RBPJ: variants seen among roughly 807,000 people sequenced by gnomAD.
The protein encoded by RBPJ is recombination signal binding protein for immunoglobulin kappa J region.
Under a neutral mutation model 67.8 loss-of-function variants are expected in RBPJ, and 9 were observed. The observed-to-expected ratio is 0.13, with a 90% CI of 0.08 to 0.23. The LOEUF is 0.23. Among genes scored for constraint, RBPJ ranks in the 10% least tolerant of loss-of-function variants. The pLI, the probability that RBPJ is intolerant of heterozygous loss-of-function variation, is 1.00. For missense variants in RBPJ, 305 were observed against 595.6 expected, an observed-to-expected ratio of 0.51 and a Z score of 5.08; for synonymous variants, 198 against 203.3, an observed-to-expected ratio of 0.97 and a Z score of 0.22.
chr4:26,136,277 C>T, the RBPJ span, among the ~76,000 whole-genome samples: 2 of 152,114 alleles, frequency 1.3e-5, no homozygotes, highest in South Asian at 4.1e-4. Flanking sequence ...TGAAAGAATC[C>T]CTTCTCTCCC....
intron 2 of RBPJ, among the ~76,000 whole-genome samples, chr4:26,395,097 A>T (rs911826274): frequency 2.0e-5 from 3 of 152,256 alleles, no homozygotes; most frequent in Admixed American, 6.5e-5. Flanking sequence ...AGTTTCTGAA[A>T]TTCTGTTGGC....
intron 1 of RBPJ, among the ~76,000 whole-genome samples, chr4:26,220,394 A>T (rs1718861686): frequency 6.6e-6 from 1 of 152,212 alleles, no homozygotes; most frequent in Non-Finnish European, 1.5e-5. Flanking sequence ...AATGTATCTT[A>T]TACTGCAACA....
chr4:26,410,224 C>T (rs1733884280), intron 3 of RBPJ: 1 of 230,504 alleles, frequency 4.3e-6, no homozygotes, highest in Non-Finnish European at 8.9e-6. Context: ...AGGCGTAAGG[C>T]GTGAGGTTAC....
intron 1 of RBPJ, among the ~76,000 whole-genome samples, chr4:26,352,613 G>A (rs931661864): frequency 6.6e-6 from 1 of 152,224 alleles, no homozygotes; most frequent in South Asian, 2.1e-4. Flanking sequence ...CTAGGAAGGA[G>A]AATCACTTGA....
intron 1 of RBPJ, among the ~76,000 whole-genome samples, chr4:26,314,253 A>T (rs1455548357): frequency 1.3e-5 from 2 of 152,248 alleles, no homozygotes; most frequent in Non-Finnish European, 2.9e-5. Flanking sequence ...ATAATTTAAA[A>T]AAAAAGACAT....
chr4:26,130,284 C>T, the RBPJ span, among the ~76,000 whole-genome samples: 1 of 152,204 alleles, frequency 6.6e-6, no homozygotes, highest in Non-Finnish European at 1.5e-5. Flanking sequence ...ATAGATACAA[C>T]ACAGGAGTTG....
At chr4:26,345,805 G>A (rs890369092) in intron 1 of RBPJ, among the ~76,000 whole-genome samples, 7 of 152,050 alleles carry the variant, frequency 4.6e-5, no homozygotes, top group Admixed American at 1.3e-4. Flanking sequence ...ACCCCATCCC[G>A]TACTTTGAGG....
intron 1 of RBPJ, chr4:26,321,635 T>C (rs1037740610): frequency 6.5e-6 from 1 of 153,590 alleles, no homozygotes; most frequent in Non-Finnish European, 1.4e-5. Context: ...GGGCACCAGA[T>C]TTCTGCCTTA....
At chr4:26,120,379 A>G in the RBPJ span, among the ~76,000 whole-genome samples, 11 of 152,270 alleles carry the variant, frequency 7.2e-5, no homozygotes, top group South Asian at 2.3e-3. Context: ...TGGACAAGCA[A>G]GTCTTTGTTC....
At chr4:26,289,618 A>G (rs1292471174) in intron 1 of RBPJ, among the ~76,000 whole-genome samples, 1 of 150,576 alleles carries the variant, frequency 6.6e-6, no homozygotes. Context: ...GGAGTTGTGT[A>G]GAGTTAATAC....
intron 1 of RBPJ, among the ~76,000 whole-genome samples, chr4:26,265,509 A>G (rs1189176373): frequency 1.3e-5 from 2 of 151,674 alleles, no homozygotes; most frequent in East Asian, 3.9e-4. Context: ...AGAGTGAGAC[A>G]GTCTCAAAAA....
At chr4:26,238,661 T>C (rs756148212) in intron 1 of RBPJ, among the ~76,000 whole-genome samples, 5 of 152,304 alleles carry the variant, frequency 3.3e-5, no homozygotes, top group South Asian at 4.1e-4. Context: ...AGAAATGAGA[T>C]GCAGTCGTTT....
At chr4:26,363,115 G>C (rs942428627) in intron 1 of RBPJ, among the ~76,000 whole-genome samples, 1 of 152,094 alleles carries the variant, frequency 6.6e-6, no homozygotes, top group African/African-American at 2.4e-5. Context: ...TTCACTTAAA[G>C]GATAATGAGT....
At chr4:26,219,718 A>G (rs1203052246) in intron 1 of RBPJ, among the ~76,000 whole-genome samples, 1 of 152,226 alleles carries the variant, frequency 6.6e-6, no homozygotes, top group Non-Finnish European at 1.5e-5. Flanking sequence ...AACAGGTTAA[A>G]ATGACTAAAT....
chr4:26,133,258 A>G, the RBPJ span, among the ~76,000 whole-genome samples: 7 of 152,150 alleles, frequency 4.6e-5, no homozygotes, highest in African/African-American at 1.7e-4. Context: ...TTGTGTTTCC[A>G]TCACCCCAGT....
At chr4:26,411,576 AC>A (rs1344250571) in intron 3 of RBPJ, among the ~76,000 whole-genome samples, 5 of 9,318 alleles carry the variant, frequency 5.4e-4, no homozygotes, top group African/African-American at 3.4e-3. Context: ...TTTAGAGTTG[AC>A]TTTTTTTTTT....
At chr4:26,307,991 TC>T (rs1449508905) in intron 1 of RBPJ, among the ~76,000 whole-genome samples, 1 of 152,162 alleles carries the variant, frequency 6.6e-6, no homozygotes, top group African/African-American at 2.4e-5. Context: ...ATAGAGTTTC[TC>T]TAGGCCTGGA....
intron 1 of RBPJ, among the ~76,000 whole-genome samples, chr4:26,370,615 T>G (rs1369639877): frequency 6.6e-6 from 1 of 152,214 alleles, no homozygotes; most frequent in Non-Finnish European, 1.5e-5. Context: ...GGATTATCAC[T>G]TCCTTGAAGT....
intron 1 of RBPJ, among the ~76,000 whole-genome samples, chr4:26,174,884 G>T (rs1716741378): frequency 6.6e-6 from 1 of 152,020 alleles, no homozygotes; most frequent in Non-Finnish European, 1.5e-5. Context: ...TCAAACCGTA[G>T]ATTTCATAAA....
Sources: allele counts gnomAD v4.1 joint callset (sites outside exome capture counted in the v4.1 genomes callset), GRCh38; gene constraint gnomAD v4.1.1; transcripts MANE v1.5; gene names NCBI Gene and HGNC (gene_info 2026-07-23, HGNC 2026-07-21).